The following TAF4 variants were observed in gnomAD, a reference collection of about 807,000 sequenced individuals.
TAF4 encodes transcription initiation factor TFIID subunit 4.
Under a neutral mutation model 90.3 loss-of-function variants are expected in TAF4, and 9 were observed. The ratio of observed to expected loss-of-function variants is 0.10; its 90% CI spans 0.06 to 0.17. TAF4 has a LOEUF of 0.17. Among genes scored for constraint, TAF4 ranks in the 10% least tolerant of loss-of-function variants. The probability of loss-of-function intolerance (pLI) is 1.00; values close to 1 mark genes in which losing one functional copy is unlikely to be tolerated. For synonymous variants in TAF4, 818 were observed against 638.9 expected (o/e 1.28, Z -4.23); for missense variants, 1,351 against 1,370.7 (o/e 0.99, Z 0.23).
intron 1 of TAF4, among the ~76,000 whole-genome samples, chr20:62,045,237 C>G (rs977371306): frequency 6.6e-6 from 1 of 152,212 alleles, no homozygotes; most frequent in Non-Finnish European, 1.5e-5. Context: ...ACAACCGTCC[C>G]GCACCTCCTG....
intron 1 of TAF4, among the ~76,000 whole-genome samples, chr20:62,043,399 G>C (rs558426059): frequency 6.6e-6 from 1 of 152,310 alleles, no homozygotes; most frequent in East Asian, 1.9e-4. Flanking sequence ...GAGTCAAAAA[G>C]TTTGAAAAAG....
intron 1 of TAF4, among the ~76,000 whole-genome samples, chr20:62,062,463 G>A (rs962404858): frequency 6.6e-6 from 1 of 151,854 alleles, no homozygotes; most frequent in East Asian, 1.9e-4. Context: ...CTCATCAGTA[G>A]ATCAACTGCA....
At chr20:62,001,936 C>T (rs6089599) in intron 9 of TAF4, among the ~76,000 whole-genome samples, 74,026 of 151,980 alleles carry the variant, frequency 0.49, 18,735 homozygotes, top group Middle Eastern at 0.64. Context: ...GTTACTGGGG[C>T]GTTACTGTTC....
intron 2 of TAF4, among the ~76,000 whole-genome samples, chr20:62,013,904 C>T (rs1180648176): frequency 7.8e-5 from 9 of 116,068 alleles, no homozygotes; most frequent in Non-Finnish European, 1.1e-4. Context: ...AAGGCTGACG[C>T]GGGTGTGTGT....
intron 14 of TAF4, among the ~76,000 whole-genome samples, chr20:61,990,457 C>G (rs2055624236): frequency 6.6e-6 from 1 of 152,172 alleles, no homozygotes; most frequent in Non-Finnish European, 1.5e-5. Flanking sequence ...AAACCAAAAG[C>G]CAGCGGACAA....
In TAF4 at chr20:62,006,371, G is replaced by T. The variant is rs1399993456; in HGVS notation, c.2223+139C>A. 8.7e-7 allele frequency: 1 copy of T among 1,146,920 alleles called. No individual in the cohort carries two copies. Among genetic ancestry groups the T allele is most frequent in the Non-Finnish European group, 1.1e-6 (1 of 890,786 alleles). 71.0% of individuals were successfully genotyped at this position (1,146,920 alleles called of 1,614,324 possible). ...CTGGTTTCTATTTTAACTATTTAAG[G>T]TAATACCCAAGCTTCCTCTAGCAGG... On this transcript the variant is annotated intron_variant, in intron 7 of 14. Coordinates refer to ENST00000252996, the MANE Select transcript of TAF4 (RefSeq NM_003185.4). This position sits in a 1 kb window ranked among gnomAD's most constrained non-coding sequence, Gnocchi z 7.0.
chr20:62,027,671 T>C (rs1349840629), intron 1 of TAF4, among the ~76,000 whole-genome samples: 3 of 152,212 alleles, frequency 2.0e-5, no homozygotes, highest in East Asian at 1.9e-4. Context: ...TAAAATAACC[T>C]TGGCAAATAA....
intron 14 of TAF4, among the ~76,000 whole-genome samples, chr20:61,992,749 C>A (rs1426330812): frequency 6.6e-6 from 1 of 152,114 alleles, no homozygotes; most frequent in Admixed American, 6.5e-5. Context: ...CTTTTTCGGT[C>A]TGAAACAGGA....
At chr20:62,040,492 C>T (rs1293911221) in intron 1 of TAF4, among the ~76,000 whole-genome samples, 2 of 152,202 alleles carry the variant, frequency 1.3e-5, no homozygotes, top group Non-Finnish European at 2.9e-5. Flanking sequence ...CCCAGGGGCA[C>T]GAGGCTACAG....
chr20:62,061,262 G>C (rs1223216474), intron 1 of TAF4, among the ~76,000 whole-genome samples: 1 of 152,212 alleles, frequency 6.6e-6, no homozygotes, highest in Non-Finnish European at 1.5e-5. Context: ...CGCGATTAAG[G>C]GCTAGTGGAC....
In TAF4 at chr20:62,012,602, AAAAAAAAG is replaced by A. The variant is rs1257821260; in HGVS notation, c.1641+205_1641+212del. 3.9e-5 allele frequency: 21 copies of A among 544,880 alleles called. No homozygotes were observed. The East Asian group carries it at 8.0e-4, about 21-fold the overall frequency. 33.8% of individuals were successfully genotyped at this position (544,880 alleles called of 1,614,324 possible). A position where few individuals can be genotyped will look rare whatever the true frequency, so the allele number is the denominator to read the frequency against. ...TGCTGGTGTTAAATTCTGTGTGACT[AAAAAAAAG>A]AAAAAAGAAAAAAAGAAATCCTGAC... On this transcript the variant is annotated intron_variant, in intron 3 of 14. Transcript: ENST00000252996.
At chr20:62,061,242 G>A (rs764976298) in intron 1 of TAF4, among the ~76,000 whole-genome samples, 39 of 152,288 alleles carry the variant, frequency 2.6e-4, no homozygotes, top group African/African-American at 8.2e-4. Context: ...AATCCAACCC[G>A]TCCCAACAGC....
At chr20:62,024,074 G>A (rs553736693) in intron 1 of TAF4, among the ~76,000 whole-genome samples, 5 of 152,138 alleles carry the variant, frequency 3.3e-5, no homozygotes, top group African/African-American at 1.2e-4. Context: ...TGAGATCCCC[G>A]TCTAAAAAAA....
intron 1 of TAF4, chr20:62,037,663 C>G: frequency 5.6e-6 from 1 of 180,054 alleles, no homozygotes; most frequent in Non-Finnish European, 1.2e-5. Flanking sequence ...TGTGACTCTC[C>G]ACATTTTTAA....
At chr20:62,030,264 C>T (rs1568936946) in intron 1 of TAF4, among the ~76,000 whole-genome samples, 2 of 152,232 alleles carry the variant, frequency 1.3e-5, no homozygotes, top group Non-Finnish European at 2.9e-5. Flanking sequence ...GTGCAGGCAA[C>T]GAATCTGAGT....
chr20:62,056,143 A>G (rs527830828), intron 1 of TAF4, among the ~76,000 whole-genome samples: 2 of 152,210 alleles, frequency 1.3e-5, no homozygotes, highest in Non-Finnish European at 2.9e-5. Context: ...AGGCTGAGGC[A>G]TGAGAATCAC....
intron 1 of TAF4, among the ~76,000 whole-genome samples, chr20:62,060,014 C>T (rs1202240984): frequency 1.3e-5 from 2 of 152,240 alleles, no homozygotes; most frequent in African/African-American, 2.4e-5. Flanking sequence ...ACTCTGATTT[C>T]GGGATGCGGA....
At chr20:61,985,390 G>A (rs550919619) in intron 14 of TAF4, among the ~76,000 whole-genome samples, 1 of 151,990 alleles carries the variant, frequency 6.6e-6, no homozygotes, top group Admixed American at 6.6e-5. Flanking sequence ...GCCAGCCCAG[G>A]ACACAGAGCA....
intron 14 of TAF4, among the ~76,000 whole-genome samples, chr20:61,992,173 CAT>C (rs1159112428): frequency 1.3e-5 from 2 of 152,284 alleles, no homozygotes; most frequent in African/African-American, 4.8e-5. Context: ...CGGCATTAAA[CAT>C]GTCATTATTT....
Sources: gnomAD v4.1 joint callset for allele counts (sites outside exome capture counted in the v4.1 genomes callset) on GRCh38, gnomAD v4.1.1 for gene constraint, Gnocchi (gnomAD v3.1) non-coding constraint, MANE v1.5 for transcripts, NCBI Gene and HGNC (gene_info 2026-07-23, HGNC 2026-07-21) for gene names.